Variants in PCSK5 observed in about 807,000 individuals in gnomAD.
The protein encoded by PCSK5 is proprotein convertase subtilisin/kexin type 5, also known as prohormone convertase 5.
In PCSK5, 129 loss-of-function variants were observed where a neutral mutation model predicts 233.2. The ratio of observed to expected loss-of-function variants is 0.55; its 90% CI spans 0.48 to 0.64. The LOEUF (loss-of-function observed/expected upper bound fraction) is 0.64, where lower values mean the gene tolerates loss of function less well. Ranked by LOEUF, PCSK5 falls within the 30% of genes least tolerant of loss-of-function variation. PCSK5 has a pLI of 0.00. For missense variants in PCSK5, 2,076 were observed against 2,430.1 expected (o/e 0.85, Z 3.06); for synonymous variants, 825 against 879.2 (o/e 0.94, Z 1.09).
chr9:76,283,751 T>C (rs1827958865), intron 24 of PCSK5, among the ~76,000 whole-genome samples: 1 of 152,264 alleles, frequency 6.6e-6, no homozygotes, highest in Non-Finnish European at 1.5e-5. Context: ...GGAATAAATT[T>C]ATGTACTAAA....
At chr9:75,946,178 G>A (rs1587401235) in intron 2 of PCSK5, among the ~76,000 whole-genome samples, 1 of 152,126 alleles carries the variant, frequency 6.6e-6, no homozygotes, top group East Asian at 1.9e-4. Flanking sequence ...ATAAAGTTTG[G>A]AGCTGTAATT....
At chr9:76,294,025 C>T (rs1020447433) in intron 25 of PCSK5, among the ~76,000 whole-genome samples, 13 of 152,014 alleles carry the variant, frequency 8.6e-5, no homozygotes, top group African/African-American at 1.4e-4. Flanking sequence ...GGGGAAACCC[C>T]GTCTCTACTA....
intron 29 of PCSK5, among the ~76,000 whole-genome samples, chr9:76,309,473 C>T (rs985072395): frequency 1.3e-5 from 2 of 152,150 alleles, no homozygotes; most frequent in African/African-American, 4.8e-5. Context: ...GCAGGAGGAT[C>T]ACTTGAGGCC....
At chr9:76,354,266 A>G (rs1366021378) in intron 37 of PCSK5, 47 bp downstream of exon 37, 2 of 1,448,220 alleles carry the variant, frequency 1.4e-6, no homozygotes, top group African/African-American at 1.4e-5. Context: ...CATGTCCTCA[A>G]GAAGCCAATG....
At chr9:75,949,604 T>G (rs1485201427) in intron 2 of PCSK5, among the ~76,000 whole-genome samples, 5 of 152,126 alleles carry the variant, frequency 3.3e-5, no homozygotes, top group Non-Finnish European at 7.4e-5. Flanking sequence ...CTCAGCTCAC[T>G]GCAACCTCTG....
chr9:76,273,576 C>CATAT (rs34398269), intron 24 of PCSK5, among the ~76,000 whole-genome samples: 4,702 of 118,060 alleles, frequency 0.04, 173 homozygotes, highest in African/African-American at 0.072. Context: ...TATATATATA[C>CATAT]ATATATATAT....
intron 24 of PCSK5, among the ~76,000 whole-genome samples, chr9:76,245,358 G>C (rs1471728235): frequency 1.3e-5 from 2 of 152,068 alleles, no homozygotes; most frequent in Non-Finnish European, 2.9e-5. Context: ...GCAAAAAAAA[G>C]AGAAAGGCTA....
rs376519723 is a variant in PCSK5, at chr9:75,939,118, C to G, written c.297+6635C>G. Among the ~76,000 whole-genome samples, 220 of 152,260 alleles carry G rather than the reference C, an allele frequency of 1.4e-3. 1 individual carries two copies. The highest frequency in any genetic ancestry group is 5.0e-3 in the African/African-American group (207 of 41,552). ...AAGTAGCCACATTGTAAGAGCAACC[C>G]TCTTGGTGCTAAGAAAATGATGTGG... On this transcript the variant is annotated intron_variant, in intron 2 of 37. Coordinates refer to ENST00000674117, the MANE Select transcript of PCSK5 (RefSeq NM_001372043.1).
At chr9:76,358,080 G>A (rs961327320) in intron 37 of PCSK5, among the ~76,000 whole-genome samples, 2 of 152,194 alleles carry the variant, frequency 1.3e-5, no homozygotes, top group African/African-American at 2.4e-5. Flanking sequence ...TACGAGGTAT[G>A]GGGATAAGGG....
chr9:75,979,444 C>A (rs1322677028), intron 2 of PCSK5, among the ~76,000 whole-genome samples: 1 of 152,132 alleles, frequency 6.6e-6, no homozygotes, highest in African/African-American at 2.4e-5. Flanking sequence ...TCAGCTGGAA[C>A]CTGTATCCCC....
intron 2 of PCSK5, among the ~76,000 whole-genome samples, chr9:75,959,523 C>A (rs1006487573): frequency 2.6e-5 from 4 of 152,156 alleles, no homozygotes; most frequent in Non-Finnish European, 5.9e-5. Context: ...TATTGAGCCA[C>A]TATGAGCTGC....
intron 9 of PCSK5, among the ~76,000 whole-genome samples, chr9:76,108,427 A>C (rs1832066984): frequency 6.6e-6 from 1 of 152,240 alleles, no homozygotes; most frequent in African/African-American, 2.4e-5. Context: ...CAGAGAAGGA[A>C]TACAAGGATA....
chr9:76,004,496 C>T lies in PCSK5; in HGVS notation c.411+18251C>T, dbSNP rs72733289. On this transcript the variant is annotated intron_variant, in intron 3 of 37. Transcript: ENST00000674117. ...ATCTGAGGGATGATATTTTGTAGCA[C>T]GTGCATATCCTATTCCCTGTCAATT... Among the ~76,000 whole-genome samples, 1,327 of 152,198 alleles carry T rather than the reference C, an allele frequency of 8.7e-3. 13 individuals are homozygous for T. Among genetic ancestry groups the T allele is most frequent in the Middle Eastern group, 0.041 (12 of 294 alleles).
At chr9:76,239,779 T>A (rs865962670) in intron 23 of PCSK5, among the ~76,000 whole-genome samples, 9 of 151,016 alleles carry the variant, frequency 6.0e-5, no homozygotes, top group South Asian at 2.1e-4. Context: ...GGACAGGATA[T>A]AGGTGAGAGA....
rs535764823 is a variant in PCSK5 at position 76,315,623 on chromosome 9, A to G, written c.3884+4772A>G. 8.8e-4 allele frequency among the ~76,000 whole-genome samples: 133 copies of G among 151,544 alleles called. 1 individual carries two copies. Among genetic ancestry groups the G allele is most frequent in the African/African-American group, 3.1e-3 (128 of 41,226 alleles). ...GAAAGGAGAACCAACTCCCAGGCAG[A>G]TCTGTGTGGAGAAGACTACTTTTTT... On this transcript the variant is annotated intron_variant, in intron 30 of 37. Coordinates refer to ENST00000674117, the MANE Select transcript of PCSK5 (RefSeq NM_001372043.1).
Position 76,081,446 on chromosome 9 carries a change from C to T in PCSK5, c.894+9548C>T, listed in dbSNP as rs544355881. Among the ~76,000 whole-genome samples, 4 of 151,142 alleles carry T rather than the reference C, an allele frequency of 2.6e-5. No individual in the cohort carries two copies. In the South Asian group the frequency reaches 6.3e-4, roughly 24 times the overall value. ...TCCAGCCTGGGCAACAAGAGCAAAA[C>T]TCTGTCTCAAAAATAAATAAATAAA... On this transcript the variant is annotated intron_variant, in intron 7 of 37. Transcript: ENST00000674117.
chr9:76,329,954 G>A (rs1415892742), intron 33 of PCSK5, among the ~76,000 whole-genome samples: 1 of 152,116 alleles, frequency 6.6e-6, no homozygotes, highest in East Asian at 1.9e-4. Flanking sequence ...AAGTGATGTT[G>A]TATCCTCCGA....
At chr9:76,209,469 A>G in intron 20 of PCSK5, 1 of 507,666 alleles carries the variant, frequency 2.0e-6, no homozygotes, top group South Asian at 1.4e-5. Context: ...TGTTTTGCCT[A>G]CTACTGTATC....
intron 3 of PCSK5, among the ~76,000 whole-genome samples, chr9:76,021,969 C>G (rs552843445): frequency 1.4e-4 from 21 of 152,196 alleles, no homozygotes; most frequent in Non-Finnish European, 2.8e-4. Flanking sequence ...ACGCTGAACT[C>G]TTTCCTGCCT....
Sources: gnomAD v4.1 joint callset for allele counts (sites outside exome capture counted in the v4.1 genomes callset) on GRCh38, gnomAD v4.1.1 for gene constraint, MANE v1.5 for transcripts, NCBI Gene and HGNC (gene_info 2026-07-23, HGNC 2026-07-21) for gene names.